The following CALN1 variants were observed in gnomAD, a reference collection of about 807,000 sequenced individuals.
The protein encoded by CALN1 is calcium-binding protein 8.
Under a neutral mutation model 30.6 loss-of-function variants are expected in CALN1, and 17 were observed. The ratio of observed to expected loss-of-function variants is 0.56; its 90% CI spans 0.38 to 0.83. The LOEUF is 0.83. Among genes scored for constraint, CALN1 ranks in the 40% least tolerant of loss-of-function variants. The probability of loss-of-function intolerance (pLI) is 0.00; values close to 1 mark genes in which losing one functional copy is unlikely to be tolerated. For synonymous variants in CALN1, 156 were observed against 131.4 expected, an observed-to-expected ratio of 1.19 and a Z score of -1.28; for missense variants, 291 against 354.9, an observed-to-expected ratio of 0.82 and a Z score of 1.45.
chr7:72,201,734 G>C (rs1791437951), intron 3 of CALN1, among the ~76,000 whole-genome samples: 1 of 121,384 alleles, frequency 8.2e-6, no homozygotes, highest in African/African-American at 3.1e-5. Flanking sequence ...CCTTGAATCT[G>C]ATTAAAAAAA....
At chr7:72,473,939 A>AAAAG in the CALN1 span, among the ~76,000 whole-genome samples, 3 of 150,690 alleles carry the variant, frequency 2.0e-5, no homozygotes, top group Non-Finnish European at 4.4e-5. Flanking sequence ...AAAAAAAAAA[A>AAAAG]AAAGAAAGAA....
chr7:72,215,496 A>G (rs1002181801), intron 3 of CALN1, among the ~76,000 whole-genome samples: 1 of 150,814 alleles, frequency 6.6e-6, no homozygotes, highest in African/African-American at 2.4e-5. Flanking sequence ...CTGGAGGCTA[A>G]GGCAGGAGAA....
intron 5 of CALN1, among the ~76,000 whole-genome samples, chr7:72,008,910 C>T (rs1180025576): frequency 6.6e-6 from 1 of 152,126 alleles, no homozygotes; most frequent in Non-Finnish European, 1.5e-5. Context: ...CCCGCCTCCG[C>T]CTCCCAACGT....
intron 1 of CALN1, among the ~76,000 whole-genome samples, chr7:72,410,165 G>C (rs1031576533): frequency 6.6e-6 from 1 of 152,140 alleles, no homozygotes; most frequent in African/African-American, 2.4e-5. Context: ...CTGCCCCAAA[G>C]CTAAGCCCTG....
intron 2 of CALN1, among the ~76,000 whole-genome samples, chr7:72,392,415 G>A (rs899049630): frequency 3.3e-5 from 5 of 152,208 alleles, no homozygotes; most frequent in Non-Finnish European, 5.9e-5. Context: ...TTCAGGAAGA[G>A]GCTCCTGTAC....
intron 4 of CALN1, among the ~76,000 whole-genome samples, chr7:72,051,650 G>A (rs975540337): frequency 2.6e-5 from 4 of 152,084 alleles, no homozygotes; most frequent in African/African-American, 4.8e-5. Flanking sequence ...ATGCAAAAAC[G>A]CTAAAGCTGG....
In CALN1 at chr7:72,027,724, CAA is replaced by C. The variant is rs1404479414; in HGVS notation, c.389-3957_389-3956del. ...GAGACCCTGTCTCAAAACAAACAAA[CAA>C]ACACACACACACACACACACACACA... On this transcript the variant is annotated intron_variant, in intron 4 of 6. Transcript: ENST00000395275. Among the ~76,000 whole-genome samples the C allele has an allele frequency of 7.2e-3, 584 of 81,290 alleles. 2 individuals carry two copies. The highest frequency in any genetic ancestry group is 0.024 in the Middle Eastern group (4 of 168). The allele number at this position is 81,290 out of a possible 152,430, so 53.3% of individuals were successfully genotyped here.
chr7:72,178,374 T>C (rs974869511), intron 3 of CALN1, among the ~76,000 whole-genome samples: 1 of 152,166 alleles, frequency 6.6e-6, no homozygotes, highest in African/African-American at 2.4e-5. Context: ...ATTCGATACA[T>C]AATCACTGTA....
intron 3 of CALN1, among the ~76,000 whole-genome samples, chr7:72,277,877 G>C (rs1488269155): frequency 4.6e-5 from 7 of 152,044 alleles, no homozygotes; most frequent in Admixed American, 4.6e-4. Flanking sequence ...TTTAAACTTT[G>C]TGCCTTAAAA....
At chr7:72,393,660 T>C (rs1300276164) in intron 2 of CALN1, among the ~76,000 whole-genome samples, 1 of 151,676 alleles carries the variant, frequency 6.6e-6, no homozygotes. Context: ...AAAGAATAGG[T>C]ATACAGAATT....
intron 4 of CALN1, among the ~76,000 whole-genome samples, chr7:72,082,052 T>C (rs936487750): frequency 1.3e-5 from 2 of 151,966 alleles, no homozygotes; most frequent in African/African-American, 4.8e-5. Context: ...AGTGGTGCAG[T>C]CTCGGCTCAC....
At chr7:72,314,358 T>C (rs11772250) in intron 2 of CALN1, among the ~76,000 whole-genome samples, 2 of 14,506 alleles carry the variant, frequency 1.4e-4, no homozygotes, top group South Asian at 6.6e-3. Flanking sequence ...TACATATATA[T>C]ACATATACAT....
At chr7:71,829,978 T>C (rs1789162940) in intron 5 of CALN1, among the ~76,000 whole-genome samples, 1 of 152,046 alleles carries the variant, frequency 6.6e-6, no homozygotes, top group Non-Finnish European at 1.5e-5. Flanking sequence ...ATTGTCTGTC[T>C]GTCTGTCTCT....
chr7:72,412,032 C>G (rs931837341), intron 1 of CALN1, 26 bp downstream of exon 1: 4 of 152,236 alleles, frequency 2.6e-5, no homozygotes, highest in African/African-American at 9.6e-5. Flanking sequence ...GCTGAGCCCA[C>G]CATGCTCTTT....
In CALN1 at chr7:72,080,130, C is replaced by A. The variant is rs543129351; in HGVS notation, c.388+26021G>T. 1.4e-4 allele frequency among the ~76,000 whole-genome samples: 22 copies of A among 152,284 alleles called. No homozygotes were observed. The South Asian group carries it at 4.6e-3, about 32-fold the overall frequency. On this transcript the variant is annotated intron_variant, in intron 4 of 6. Coordinates refer to ENST00000395275, the MANE Select transcript of CALN1 (RefSeq NM_031468.4). ...ACCCCACCTTCAGATCATACTAATG[C>A]CACGTTTACTGTAAACATGTCCTAT...
intron 2 of CALN1, among the ~76,000 whole-genome samples, chr7:72,336,251 T>C (rs1298686428): frequency 1.3e-5 from 2 of 152,002 alleles, no homozygotes; most frequent in Non-Finnish European, 1.5e-5. Flanking sequence ...GAGACCTGGT[T>C]GCCGCCGGGC....
chr7:71,935,755 C>T (rs1344668590), intron 5 of CALN1, among the ~76,000 whole-genome samples: 1 of 152,136 alleles, frequency 6.6e-6, no homozygotes, highest in Non-Finnish European at 1.5e-5. Context: ...AAACATCCCT[C>T]CTCCTGTACT....
intron 5 of CALN1, among the ~76,000 whole-genome samples, chr7:71,891,503 G>A (rs776818851): frequency 6.6e-6 from 1 of 152,150 alleles, no homozygotes; most frequent in African/African-American, 2.4e-5. Context: ...CCTCTGCCAC[G>A]GCTGTTGTCT....
chr7:72,145,699 G>A (rs559503981), intron 3 of CALN1, among the ~76,000 whole-genome samples: 1 of 152,322 alleles, frequency 6.6e-6, no homozygotes, highest in African/African-American at 2.4e-5. Flanking sequence ...TATCCCGGAT[G>A]AACATCGATG....
Sources: gnomAD v4.1 joint callset for allele counts (sites outside exome capture counted in the v4.1 genomes callset) on GRCh38, gnomAD v4.1.1 for gene constraint, MANE v1.5 for transcripts, NCBI Gene and HGNC (gene_info 2026-07-23, HGNC 2026-07-21) for gene names.